The following ZNF814 variants were observed in gnomAD, a reference collection of about 807,000 sequenced individuals.
The protein encoded by ZNF814 is zinc finger protein 814.
In ZNF814, 5 loss-of-function variants were observed where a neutral mutation model predicts 7.5. The ratio of observed to expected loss-of-function variants is 0.67; its 90% CI spans 0.35 to 1.40. ZNF814 has a LOEUF of 1.40. ZNF814 is among the 40% of genes most tolerant of loss of function. The pLI is 0.04. For synonymous variants in ZNF814, 315 were observed against 340.7 expected, an observed-to-expected ratio of 0.92 and a Z score of 0.83; for missense variants, 962 against 1,018.0, an observed-to-expected ratio of 0.94 and a Z score of 0.75.
At chr19:57,901,310 TTTA>T in the ZNF814 span, among the ~76,000 whole-genome samples, 11 of 152,236 alleles carry the variant, frequency 7.2e-5, no homozygotes, top group Admixed American at 4.6e-4. Flanking sequence ...TACACCTCGC[TTTA>T]TTAACATTAA....
In ZNF814 at chr19:57,874,177, TGTCA is replaced by T; in HGVS notation, c.1209_1212del (p.Asp404LysfsTer66). On this transcript the variant is annotated frameshift_variant, in exon 3 of 3. Coordinates refer to ENST00000435989, the MANE Select transcript of ZNF814 (RefSeq NM_001144989.2). LOFTEE classifies it low-confidence loss of function (END_TRUNC). ...CATTCTCCACATTCATAATGTTTTT[TGTCA>T]GTGTGAACTCTCTGATGATTACTGA... 2.5e-6 allele frequency: 4 copies of T among 1,586,012 alleles called. No individual in the cohort carries two copies. The highest frequency in any genetic ancestry group is 1.7e-6 in the Non-Finnish European group (2 of 1,165,848).
At chr19:57,878,913 ACACACACACG>A (rs1249074513) in intron 1 of ZNF814, among the ~76,000 whole-genome samples, 1 of 152,086 alleles carries the variant, frequency 6.6e-6, no homozygotes, top group Non-Finnish European at 1.5e-5. Flanking sequence ...ATACATGCAC[ACACACACACG>A]CACACATACA....
At chr19:57,884,077 T>A (rs1342972886) in intron 1 of ZNF814, among the ~76,000 whole-genome samples, 2 of 152,106 alleles carry the variant, frequency 1.3e-5, no homozygotes, top group African/African-American at 4.8e-5. Context: ...TCTTGAGTAA[T>A]ACCTTTCAAG....
chr19:57,873,914 A>C lies in ZNF814; in HGVS notation c.1476T>G (p.Tyr492Ter), dbSNP rs369878698. The C allele has an allele frequency of 2.5e-6, 4 of 1,612,352 alleles. No homozygotes were observed. The highest frequency in any genetic ancestry group is 3.4e-6 in the Non-Finnish European group (4 of 1,179,428). Residue 492 changes from tyrosine to a stop codon, truncating the protein, a stop_gained, in exon 3 of 3, where the codon TAT becomes TAG. Transcript: ENST00000435989. LOFTEE classifies it low-confidence loss of function (END_TRUNC). ...AAGATTTCCCACATTCTCCACACTG[A>C]TAAGGTCTTTCTCCACTGTGAACTC... ...HQRVHSGERP[Y>*]QCGECGKSFS...
the ZNF814 span, among the ~76,000 whole-genome samples, chr19:57,895,158 T>C: frequency 6.6e-6 from 1 of 152,160 alleles, no homozygotes; most frequent in African/African-American, 2.4e-5. Flanking sequence ...AGAGGGACTT[T>C]ACTGAGAGGG....
chr19:57,874,505 T>G lies in ZNF814; in HGVS notation c.885A>C (p.Lys295Asn). The change falls in exon 3 of 3, where the codon AAA becomes AAC. Residue 295 changes from lysine (K) to asparagine (N), a missense_variant. Coordinates refer to ENST00000435989, the MANE Select transcript of ZNF814 (RefSeq NM_001144989.2). Reference protein sequence around the residue: ...SNHQRVHTEKKHECGECGKSF... With the variant: ...SNHQRVHTEKNHECGECGKSF... ...ATTTCCCACATTCTCCACATTCATG[T>G]TTTTTTTCAGTGTGAACTCTCTGAT... 1 of 1,484,004 alleles carries G rather than the reference T, an allele frequency of 6.7e-7. No homozygotes were observed. The highest frequency in any genetic ancestry group is 1.3e-5 in the South Asian group (1 of 78,522). 91.9% of individuals were successfully genotyped at this position (1,484,004 alleles called of 1,614,324 possible).
upstream of ZNF814, among the ~76,000 whole-genome samples, chr19:57,893,933 A>C (rs2071745156): frequency 6.6e-6 from 1 of 151,512 alleles, no homozygotes; most frequent in Non-Finnish European, 1.5e-5. Flanking sequence ...AAAAAAAAAA[A>C]ATTAGTCGTG....
chr19:57,903,979 A>C, the ZNF814 span, among the ~76,000 whole-genome samples: 1 of 152,158 alleles, frequency 6.6e-6, no homozygotes, highest in East Asian at 1.9e-4. Flanking sequence ...TCTGTGCCAA[A>C]GGGTGGAAGG....
chr19:57,900,022 A>G, the ZNF814 span, among the ~76,000 whole-genome samples: 3 of 152,190 alleles, frequency 2.0e-5, no homozygotes, highest in Non-Finnish European at 4.4e-5. Flanking sequence ...TCCTAAATCT[A>G]AGATATTTCC....
rs776382973 is a variant in ZNF814, at chr19:57,876,900, A to C, written c.163+16T>G. 6.8e-6 allele frequency: 11 copies of C among 1,614,002 alleles called. 1 individual carries two copies. In the South Asian group the frequency reaches 1.1e-4, roughly 16 times the overall value. On this transcript the variant is annotated intron_variant, in intron 2 of 2. Coordinates refer to ENST00000435989, the MANE Select transcript of ZNF814 (RefSeq NM_001144989.2). ...AGAGACTAGCTCAGGTCACAGGGTGAGTGTGAGCAACTTACCCAGGGAGGA... is the reference window on the plus strand; with the variant it reads ...AGAGACTAGCTCAGGTCACAGGGTGCGTGTGAGCAACTTACCCAGGGAGGA...
chr19:57,872,447 T>G lies in ZNF814; in HGVS notation c.*375A>C, dbSNP rs1311344205. 1 of 369,058 alleles carries G rather than the reference T, an allele frequency of 2.7e-6. No homozygotes were observed. The highest frequency in any genetic ancestry group is 4.9e-6 in the Non-Finnish European group (1 of 203,690). The allele number at this position is 369,058 out of a possible 1,614,324, so 22.9% of individuals were successfully genotyped here. On this transcript the variant is annotated 3_prime_UTR_variant, in exon 3 of 3. Transcript: ENST00000435989. Reference sequence around the variant, plus strand: ...CCCTGATCCAGTGTTAACTCTGATCTTGAAGGAGCAAAGAGGTGTGGCTAC... The same window carrying G: ...CCCTGATCCAGTGTTAACTCTGATCGTGAAGGAGCAAAGAGGTGTGGCTAC...
intron 1 of ZNF814, among the ~76,000 whole-genome samples, chr19:57,883,168 C>T (rs1289984732): frequency 6.6e-6 from 1 of 151,500 alleles, no homozygotes; most frequent in Non-Finnish European, 1.5e-5. Flanking sequence ...ACCATCCTGG[C>T]TAATGGGGTG....
Position 57,873,859 on chromosome 19 carries a change from G to A in ZNF814, c.1531C>T (p.Gln511Ter). The A allele has an allele frequency of 6.2e-7, 1 of 1,613,920 alleles. No homozygotes were observed. The highest frequency in any genetic ancestry group is 8.5e-7 in the Non-Finnish European group (1 of 1,179,972). The stretch of plus-strand genomic sequence containing the variant: ...GGTCTTGCTCCAGTGTGAACTCGCT[G>A]GTGTAGAACGAGGTTGCCCTTTTGA... ...FSQKGNLVLH[Q>*]RVHTGARPYE... The change falls in exon 3 of 3, where the codon CAG (glutamine) becomes TAG (stop). Residue 511 changes from glutamine (Q) to a stop codon, truncating the protein, a stop_gained. Coordinates refer to ENST00000435989, the MANE Select transcript of ZNF814 (RefSeq NM_001144989.2). LOFTEE classifies it low-confidence loss of function (END_TRUNC).
At chr19:57,878,734 C>G (rs986443786) in intron 1 of ZNF814, among the ~76,000 whole-genome samples, 1 of 152,164 alleles carries the variant, frequency 6.6e-6, no homozygotes, top group African/African-American at 2.4e-5. Flanking sequence ...GCCGGGATTA[C>G]AGGCGTGAGC....
chr19:57,895,230 TC>T, the ZNF814 span, among the ~76,000 whole-genome samples: 1 of 151,916 alleles, frequency 6.6e-6, no homozygotes, highest in Non-Finnish European at 1.5e-5. Context: ...AAATTGGGCC[TC>T]AAACCCAGGG....
chr19:57,900,947 C>T, the ZNF814 span, among the ~76,000 whole-genome samples: 28 of 148,954 alleles, frequency 1.9e-4, no homozygotes, highest in African/African-American at 9.9e-5. Context: ...CCCGGGTTCA[C>T]GCCATTCTCC....
the ZNF814 span, among the ~76,000 whole-genome samples, chr19:57,900,838 C>CTTTTTTTTTTTTTTT: frequency 7.1e-5 from 4 of 56,428 alleles, no homozygotes; most frequent in Non-Finnish European, 1.1e-4. Context: ...GCCATGGCTG[C>CTTTTTTTTTTTTTTT]ATTTTTTTTT....
chr19:57,893,733 A>G (rs544958246), upstream of ZNF814, among the ~76,000 whole-genome samples: 10 of 151,810 alleles, frequency 6.6e-5, no homozygotes, highest in South Asian at 1.9e-3. Flanking sequence ...AACCTGGCCA[A>G]CATGGTAAAA....
chr19:57,873,978 T>A lies in ZNF814; in HGVS notation c.1412A>T (p.Lys471Ile). 3.7e-6 allele frequency: 6 copies of A among 1,613,988 alleles called. No homozygotes were observed. The highest frequency in any genetic ancestry group is 1.3e-5 in the African/African-American group (1 of 75,022). Reference sequence around the variant, plus strand: ...AAGGCTGCGCTTATGACTGAAAGATTTCACACATTCTCCACACTTGAAAGG... The same window carrying A: ...AAGGCTGCGCTTATGACTGAAAGATATCACACATTCTCCACACTTGAAAGG... ...ERPFKCGECV[K>I]SFSHKRSLVH... Residue 471 changes from lysine (K) to isoleucine (I), a missense_variant, in exon 3 of 3, where the codon AAA becomes ATA. Lys to Ile is a moderately radical substitution (Grantham distance 102). Around this residue, in one of 7 missense-constraint regions of ZNF814, gnomAD observed 665 missense variants for 551.4 expected, o/e 1.21. Transcript: ENST00000435989.
Sources: gnomAD v4.1 joint callset for allele counts (sites outside exome capture counted in the v4.1 genomes callset) on GRCh38, gnomAD v4.1.1 for gene constraint, gnomAD v4.1.1 regional missense constraint, MANE v1.5 for transcripts, NCBI Gene and HGNC (gene_info 2026-07-23, HGNC 2026-07-21) for gene names.